Variants in COL12A1 observed in about 807,000 individuals in gnomAD.
COL12A1 encodes collagen alpha-1(XII) chain.
A neutral mutation model predicts 349.7 loss-of-function variants in COL12A1; 114 were observed. The observed-to-expected ratio is 0.33, with a 90% confidence interval of 0.28 to 0.38. The LOEUF (loss-of-function observed/expected upper bound fraction) is 0.38. COL12A1 is among the 10% of genes least tolerant of loss of function. COL12A1 has a pLI of 1.00. For missense variants in COL12A1, 3,284 were observed against 3,756.9 expected, an observed-to-expected ratio of 0.87 and a Z score of 3.29; for synonymous variants, 1,369 against 1,329.0, an observed-to-expected ratio of 1.03 and a Z score of -0.66.
chr6:75,125,627 T>C (rs1765975672), intron 39 of COL12A1, among the ~76,000 whole-genome samples: 1 of 152,158 alleles, frequency 6.6e-6, no homozygotes, highest in Non-Finnish European at 1.5e-5. Flanking sequence ...TCATTTATTG[T>C]AGAGATAATT....
Position 75,133,348 on chromosome 6 carries a change from T to C in COL12A1, c.5739A>G (p.Val1913=). ...LQPDTSYTVT[V]VPVYTEGDGG... ...CATCACCTTCAGTATAAACGGGAAC[T>C]ACAGTCACAGTGTATGAGGTATCTG... Residue 1913 remains valine (V), a synonymous_variant, in exon 34 of 66, where the codon GTA becomes GTG. Coordinates refer to ENST00000322507, the MANE Select transcript of COL12A1 (RefSeq NM_004370.6). The C allele has an allele frequency of 6.2e-7, 1 of 1,612,784 alleles. No individual in the cohort carries two copies. Among genetic ancestry groups the C allele is most frequent in the Non-Finnish European group, 8.5e-7 (1 of 1,179,358 alleles).
At chr6:75,098,452 A>C (rs1768153362) in intron 58 of COL12A1, among the ~76,000 whole-genome samples, 1 of 152,182 alleles carries the variant, frequency 6.6e-6, no homozygotes, top group African/African-American at 2.4e-5. Flanking sequence ...CCAGGAGTTC[A>C]AGACCAGCCT....
At chr6:75,141,508 C>T (rs1237992692) in intron 27 of COL12A1, among the ~76,000 whole-genome samples, 1 of 152,202 alleles carries the variant, frequency 6.6e-6, no homozygotes, top group Non-Finnish European at 1.5e-5. Flanking sequence ...GCCCCTTCCT[C>T]TGAAATCTGA....
chr6:75,184,291 AT>A, intron 8 of COL12A1, 147 bp from the exon 9 acceptor site: 1 of 849,912 alleles, frequency 1.2e-6, no homozygotes, highest in Non-Finnish European at 1.8e-6. Flanking sequence ...TCAGTCCCCA[AT>A]TTCACATGTC....
Position 75,163,065 on chromosome 6 carries a change from C to G in COL12A1, c.2983+2442G>C, listed in dbSNP as rs796379920. ...AGGAACGCTTTTACACTGTTGGTAG[C>G]AGTGTAAATTAGTTCAACCAATGTG... On this transcript the variant is annotated intron_variant, in intron 14 of 65. Transcript: ENST00000322507. 3.3e-5 allele frequency among the ~76,000 whole-genome samples: 5 copies of G among 152,190 alleles called. No individual in the cohort carries two copies. The South Asian group carries it at 1.0e-3, about 32-fold the overall frequency.
chr6:75,134,080 C>A, intron 32 of COL12A1, 83 bp from the exon 33 acceptor site: 1 of 1,439,364 alleles, frequency 6.9e-7, no homozygotes, highest in South Asian at 1.3e-5. Context: ...ATCTCCCAGG[C>A]ACCCTAGAAC....
intron 10 of COL12A1, among the ~76,000 whole-genome samples, chr6:75,181,763 G>A (rs1769307181): frequency 6.6e-6 from 1 of 151,822 alleles, no homozygotes. Context: ...TCAAAATAGA[G>A]AAACGAGAGA....
rs1768836200 is a variant in COL12A1 at position 75,174,921 on chromosome 6, C to A, written c.2710+117G>T. Reference sequence around the variant, plus strand: ...GGTTATTTGTTTTTCAATATGGATTCTTTTTAAGAGAAAGGATTGCACACT... The same window carrying A: ...GGTTATTTGTTTTTCAATATGGATTATTTTTAAGAGAAAGGATTGCACACT... On this transcript the variant is annotated intron_variant, in intron 13 of 65. Transcript: ENST00000322507. The A allele has an allele frequency of 6.0e-6, 7 of 1,170,268 alleles. No homozygotes were observed. The South Asian group carries it at 7.6e-5, about 13-fold the overall frequency. 72.5% of individuals were successfully genotyped at this position (1,170,268 alleles called of 1,614,324 possible).
At chr6:75,174,415 G>A (rs1405718362) in intron 13 of COL12A1, among the ~76,000 whole-genome samples, 1 of 152,124 alleles carries the variant, frequency 6.6e-6, no homozygotes, top group Non-Finnish European at 1.5e-5. Context: ...AATTAGCCAG[G>A]CGTGGTGGCG....
intron 26 of COL12A1, among the ~76,000 whole-genome samples, chr6:75,142,873 C>T (rs759457906): frequency 6.6e-5 from 10 of 152,208 alleles, no homozygotes; most frequent in Non-Finnish European, 1.3e-4. Context: ...ATCTGACAAA[C>T]TGCTCCTCTT....
intron 32 of COL12A1, among the ~76,000 whole-genome samples, 192 bp downstream of exon 32, chr6:75,134,534 G>A (rs1316972264): frequency 6.6e-6 from 1 of 151,824 alleles, no homozygotes; most frequent in East Asian, 1.9e-4. Flanking sequence ...TCGTGCCACT[G>A]CACTCCAGCC....
intron 37 of COL12A1, among the ~76,000 whole-genome samples, chr6:75,129,371 A>G (rs1351562881): frequency 3.3e-5 from 5 of 152,370 alleles, no homozygotes; most frequent in African/African-American, 1.2e-4. Flanking sequence ...TGTGGTAAAA[A>G]GATGGCAAAC....
At chr6:75,127,766 G>A (rs987229357) in intron 38 of COL12A1, among the ~76,000 whole-genome samples, 1 of 152,120 alleles carries the variant, frequency 6.6e-6, no homozygotes, top group Non-Finnish European at 1.5e-5. Flanking sequence ...ATTACCACCA[G>A]TATAGTGTAA....
At chr6:75,169,295 G>T (rs1768499011) in intron 13 of COL12A1, among the ~76,000 whole-genome samples, 1 of 152,170 alleles carries the variant, frequency 6.6e-6, no homozygotes, top group Admixed American at 6.5e-5. Context: ...GTTTATGCAA[G>T]AGTCCCTTTT....
Position 75,147,742 on chromosome 6 carries a change from A to T in COL12A1, c.4350T>A (p.Tyr1450Ter). ...VLKDLKPETE[Y>*]VVNVYSVVED... Reference sequence around the variant, plus strand: ...CTACCACAGAATACACATTGACAACATATTCAGTTTCAGGTTTCAGATCTT... The same window carrying T: ...CTACCACAGAATACACATTGACAACTTATTCAGTTTCAGGTTTCAGATCTT... Residue 1450 changes from tyrosine (Y) to a stop codon, truncating the protein, a stop_gained, in exon 23 of 66, where the codon TAT (tyrosine) becomes TAA (stop). Coordinates refer to ENST00000322507, the MANE Select transcript of COL12A1 (RefSeq NM_004370.6). LOFTEE classifies it high-confidence loss of function. 6.2e-7 allele frequency: 1 copy of T among 1,613,562 alleles called. No individual in the cohort carries two copies. The highest frequency in any genetic ancestry group is 2.2e-5 in the East Asian group (1 of 44,844).
chr6:75,192,206 G>C lies in COL12A1; in HGVS notation c.334+6C>G. On this transcript the variant is annotated splice_donor_region_variant and intron_variant, in intron 4 of 65. Coordinates refer to ENST00000322507, the MANE Select transcript of COL12A1 (RefSeq NM_004370.6). Reference sequence around the variant, plus strand: ...TACAAATATTTTATTTTATATGTGTGCTTACTTGTTAGTTGTCCTATAACT... The same window carrying C: ...TACAAATATTTTATTTTATATGTGTCCTTACTTGTTAGTTGTCCTATAACT... The C allele has an allele frequency of 6.5e-7, 1 of 1,548,484 alleles. No individual in the cohort carries two copies. Among genetic ancestry groups the C allele is most frequent in the Non-Finnish European group, 8.8e-7 (1 of 1,142,346 alleles).
intron 13 of COL12A1, among the ~76,000 whole-genome samples, chr6:75,168,469 C>T (rs17783615): frequency 0.069 from 10,513 of 152,218 alleles, 421 homozygotes; most frequent in South Asian, 0.13. Context: ...AGGTATGCAA[C>T]CATCTGAGCA....
At chr6:75,158,302 C>A (rs1767858934) in intron 14 of COL12A1, among the ~76,000 whole-genome samples, 1 of 152,038 alleles carries the variant, frequency 6.6e-6, no homozygotes, top group African/African-American at 2.4e-5. Flanking sequence ...AAAAAGGAGA[C>A]ACCAAAGAGC....
intron 10 of COL12A1, 103 bp from the exon 11 acceptor site, chr6:75,181,314 G>T: frequency 8.6e-7 from 1 of 1,158,856 alleles, no homozygotes; most frequent in Non-Finnish European, 1.2e-6. Flanking sequence ...TAATTTGGGA[G>T]AATGGTGCTC....
Sources: allele counts gnomAD v4.1 joint callset (sites outside exome capture counted in the v4.1 genomes callset), GRCh38; gene constraint gnomAD v4.1.1; transcripts MANE v1.5; gene names NCBI Gene and HGNC (gene_info 2026-07-23, HGNC 2026-07-21).